EPAS1: variants seen among roughly 807,000 people sequenced by gnomAD.
EPAS1 encodes the protein endothelial PAS domain protein 1.
A neutral mutation model predicts 87.9 loss-of-function variants in EPAS1; 23 were observed. The observed-to-expected ratio is 0.26, with a 90% CI of 0.19 to 0.37. The LOEUF (loss-of-function observed/expected upper bound fraction) is 0.37. Ranked by LOEUF, EPAS1 falls within the 10% of genes least tolerant of loss-of-function variation. EPAS1 has a pLI of 1.00. For synonymous variants in EPAS1, 508 were observed against 444.3 expected (o/e 1.14, Z -1.80); for missense variants, 1,138 against 1,120.7 (o/e 1.02, Z -0.22).
chr2:46,319,432 CTCTT>C (rs1268007032), intron 1 of EPAS1, among the ~76,000 whole-genome samples: 1 of 152,234 alleles, frequency 6.6e-6, no homozygotes, highest in East Asian at 1.9e-4. Flanking sequence ...TAAAAAGGCA[CTCTT>C]TCTTCTTTAT....
intron 1 of EPAS1, among the ~76,000 whole-genome samples, chr2:46,334,271 C>A (rs1027332089): frequency 1.3e-5 from 2 of 152,226 alleles, no homozygotes; most frequent in Non-Finnish European, 2.9e-5. Context: ...GGGCATCTGA[C>A]TTTAGCTACC....
chr2:46,351,048 C>A (rs1041494475), intron 2 of EPAS1, among the ~76,000 whole-genome samples: 3 of 152,170 alleles, frequency 2.0e-5, no homozygotes, highest in African/African-American at 4.8e-5. Flanking sequence ...TCTCACACCC[C>A]ACTTTCAGAC....
chr2:46,352,478 T>C lies in EPAS1; in HGVS notation c.218-3673T>C, dbSNP rs529743229. ...AATAATGGTGTAGGGAGCGCGTGCA[T>C]TTTCCCATGTCCGTAACACTGAGTA... On this transcript the variant is annotated intron_variant, in intron 2 of 15. Coordinates refer to ENST00000263734, the MANE Select transcript of EPAS1 (RefSeq NM_001430.5). Among the ~76,000 whole-genome samples the C allele has an allele frequency of 7.3e-5, 11 of 151,682 alleles. No individual in the cohort carries two copies. The South Asian group carries it at 2.3e-3, about 32-fold the overall frequency.
rs766737901 is a variant in EPAS1, at chr2:46,377,990, G to A, written c.1346G>A (p.Ser449Asn). 5 of 1,581,248 alleles carry A rather than the reference G, an allele frequency of 3.2e-6. No individual in the cohort carries two copies. The highest frequency in any genetic ancestry group is 8.6e-7 in the Non-Finnish European group (1 of 1,163,312). The part of the protein sequence containing the change: ...ATELRSHSTQ[S>N]EAGSLPAFTV... ...GAGTTGAGGAGCCACAGCACCCAGA[G>A]CGAGGCTGGGAGCCTGCCTGCCTTC... The change falls in exon 10 of 16, where the codon AGC (serine) becomes AAC (asparagine). Residue 449 changes from serine (S) to asparagine (N), a missense_variant. By Grantham distance (46) the Ser-to-Asn change is conservative. Around this residue, in one of 4 missense-constraint regions of EPAS1, gnomAD observed 284 missense variants for 258.4 expected, o/e 1.10. Coordinates refer to ENST00000263734, the MANE Select transcript of EPAS1 (RefSeq NM_001430.5).
At chr2:46,342,589 T>C (rs1232866509) in intron 1 of EPAS1, among the ~76,000 whole-genome samples, 1 of 152,134 alleles carries the variant, frequency 6.6e-6, no homozygotes, top group Admixed American at 6.5e-5. Flanking sequence ...TCTAGCTAAT[T>C]AGGCAGCCAA....
intron 1 of EPAS1, among the ~76,000 whole-genome samples, chr2:46,304,727 C>CT (rs1413004313): frequency 8.5e-5 from 13 of 152,276 alleles, no homozygotes; most frequent in African/African-American, 2.6e-4. Context: ...TTACTTCAGC[C>CT]TTCGGACTCC....
At chr2:46,383,199 A>C (rs1684941272) in intron 15 of EPAS1, among the ~76,000 whole-genome samples, 1 of 152,142 alleles carries the variant, frequency 6.6e-6, no homozygotes, top group African/African-American at 2.4e-5. Flanking sequence ...CCCCTTCCTC[A>C]GTTCTTCATG....
rs1247944537 is a variant in EPAS1, at chr2:46,384,557, C to A, written c.2510C>A (p.Pro837His). The A allele has an allele frequency of 2.5e-6, 4 of 1,614,198 alleles. No individual in the cohort carries two copies. The highest frequency in any genetic ancestry group is 2.5e-6 in the Non-Finnish European group (3 of 1,180,038). The change falls in exon 16 of 16, where the codon CCC becomes CAC. Residue 837 changes from proline (P) to histidine (H), a missense_variant. Around this residue, in one of 4 missense-constraint regions of EPAS1, gnomAD observed 502 missense variants for 427.1 expected, o/e 1.18. Coordinates refer to ENST00000263734, the MANE Select transcript of EPAS1 (RefSeq NM_001430.5). ...LGPSFESYLL[P>H]ELTRYDCEVN... Reference sequence around the variant, plus strand: ...CCCTCATTTGAGTCCTACCTGCTGCCCGAACTGACCAGATATGACTGTGAG... The same window carrying A: ...CCCTCATTTGAGTCCTACCTGCTGCACGAACTGACCAGATATGACTGTGAG...
Position 46,378,701 on chromosome 2 carries a change from G to A in EPAS1, c.1488G>A (p.Leu496=), listed in dbSNP as rs1023707936. Residue 496 remains leucine (L), a synonymous_variant, in exon 11 of 16, where the codon CTG becomes CTA. Coordinates refer to ENST00000263734, the MANE Select transcript of EPAS1 (RefSeq NM_001430.5). ...EDYYTSLDND[L]KIEVIEKLFA... The stretch of plus-strand genomic sequence containing the variant: ...ATTACACATCTTTGGATAACGACCT[G>A]AAGATTGAAGTGATTGAGAAGCTCT... 8.1e-6 allele frequency: 13 copies of A among 1,614,084 alleles called. No homozygotes were observed. The African/African-American group carries it at 1.7e-4, about 22-fold the overall frequency.
intron 1 of EPAS1, among the ~76,000 whole-genome samples, chr2:46,321,716 G>A (rs1683457158): frequency 1.3e-5 from 2 of 150,338 alleles, no homozygotes; most frequent in South Asian, 4.2e-4. Context: ...AACAGCCTGT[G>A]TGGGAATGGA....
intron 1 of EPAS1, among the ~76,000 whole-genome samples, chr2:46,317,552 T>C (rs982755412): frequency 6.6e-6 from 1 of 152,234 alleles, no homozygotes; most frequent in Non-Finnish European, 1.5e-5. Flanking sequence ...TTTGGCATAA[T>C]TTTTAAGAAC....
In EPAS1 at chr2:46,306,257, C is replaced by T. The variant is rs371664605; in HGVS notation, c.26+8320C>T. Among the ~76,000 whole-genome samples the T allele has an allele frequency of 1.2e-4, 18 of 152,248 alleles. No individual in the cohort carries two copies. The South Asian group carries it at 2.1e-3, about 18-fold the overall frequency. On this transcript the variant is annotated intron_variant, in intron 1 of 15. Coordinates refer to ENST00000263734, the MANE Select transcript of EPAS1 (RefSeq NM_001430.5). ...TCACTTTTGATAAAAACTTTGCATA[C>T]TGTCACTACTTTGTATAAGTTTTTT...
At chr2:46,362,989 G>A (rs904064907) in intron 6 of EPAS1, among the ~76,000 whole-genome samples, 23 of 146,816 alleles carry the variant, frequency 1.6e-4, no homozygotes, top group South Asian at 6.6e-4. Context: ...TGGTGGTGGT[G>A]GTGGTGGTGG....
intron 1 of EPAS1, among the ~76,000 whole-genome samples, chr2:46,308,460 T>TGG (rs3053639): frequency 0.28 from 30,730 of 108,374 alleles, 6,022 homozygotes; most frequent in Middle Eastern, 0.41. Context: ...TGCTTTTTTT[T>TGG]GGGGGGGGGG....
intron 1 of EPAS1, among the ~76,000 whole-genome samples, chr2:46,307,658 C>G (rs758480610): frequency 5.3e-5 from 8 of 152,138 alleles, no homozygotes; most frequent in Non-Finnish European, 1.0e-4. Context: ...TGGCTGGGCA[C>G]TGTGTGGTCC....
chr2:46,310,843 T>C (rs1683196401), intron 1 of EPAS1, among the ~76,000 whole-genome samples: 1 of 152,226 alleles, frequency 6.6e-6, no homozygotes, highest in East Asian at 1.9e-4. Context: ...TGAGTACTTT[T>C]GGCTTAGAAT....
At chr2:46,334,439 G>T (rs1022978109) in intron 1 of EPAS1, among the ~76,000 whole-genome samples, 11 of 152,134 alleles carry the variant, frequency 7.2e-5, no homozygotes, top group Non-Finnish European at 1.5e-4. Flanking sequence ...CATTCCCAGT[G>T]TGTCTTTGTC....
rs537222507 is a variant in EPAS1, at chr2:46,373,901, GT to G, written c.887-1785del. Among the ~76,000 whole-genome samples the G allele has an allele frequency of 5.3e-3, 812 of 152,316 alleles. 5 individuals carry two copies. The highest frequency in any genetic ancestry group is 0.019 in the African/African-American group (789 of 41,550). ...TGGTCTTTCAGCAAATGACTCAGTA[GT>G]TTTAAGCCTCAGTTTCTTCAGCTGT... On this transcript the variant is annotated intron_variant, in intron 7 of 15. Coordinates refer to ENST00000263734, the MANE Select transcript of EPAS1 (RefSeq NM_001430.5).
chr2:46,306,528 T>C (rs574493127), intron 1 of EPAS1, among the ~76,000 whole-genome samples: 58 of 152,332 alleles, frequency 3.8e-4, no homozygotes, highest in African/African-American at 1.4e-3. Context: ...TCATTACTAA[T>C]GAGCAATTAC....
Sources: gnomAD v4.1 joint callset for allele counts (sites outside exome capture counted in the v4.1 genomes callset) on GRCh38, gnomAD v4.1.1 for gene constraint, gnomAD v4.1.1 regional missense constraint, MANE v1.5 for transcripts, NCBI Gene and HGNC (gene_info 2026-07-23, HGNC 2026-07-21) for gene names.